RIT2: variants seen among roughly 807,000 people sequenced by gnomAD.
The protein encoded by RIT2 is Ras like without CAAX 2, also known as GTP-binding protein Rit2.
Under a neutral mutation model 23.7 loss-of-function variants are expected in RIT2, and 24 were observed. The observed-to-expected ratio is 1.01, with a 90% CI of 0.73 to 1.43. The LOEUF is 1.43. Ranked by LOEUF, RIT2 falls within the 40% of genes most tolerant of loss-of-function variation. The probability of loss-of-function intolerance (pLI) is 0.00; values close to 1 mark genes in which losing one functional copy is unlikely to be tolerated. For missense variants in RIT2, 236 were observed against 266.9 expected, an observed-to-expected ratio of 0.88 and a Z score of 0.81; for synonymous variants, 107 against 91.1, an observed-to-expected ratio of 1.17 and a Z score of -0.99.
At chr18:42,971,685 G>A (rs1246802534) in intron 3 of RIT2, among the ~76,000 whole-genome samples, 1 of 151,984 alleles carries the variant, frequency 6.6e-6, no homozygotes, top group African/African-American at 2.4e-5. Context: ...TTCCATGTGT[G>A]GGTAGACTGG....
chr18:42,812,285 A>G (rs1392247747), intron 4 of RIT2, among the ~76,000 whole-genome samples: 3 of 152,162 alleles, frequency 2.0e-5, no homozygotes, highest in Non-Finnish European at 4.4e-5. Flanking sequence ...TGAACATCAC[A>G]GTAGTCCAGA....
intron 2 of RIT2, among the ~76,000 whole-genome samples, chr18:43,006,007 C>A (rs76074693): frequency 0.037 from 5,574 of 151,566 alleles, 150 homozygotes; most frequent in Middle Eastern, 0.13. Flanking sequence ...TAATTAAAGT[C>A]TTTTTCATAA....
chr18:42,993,802 G>A lies in RIT2; in HGVS notation c.161-19655C>T, dbSNP rs549984230. 6.6e-5 allele frequency among the ~76,000 whole-genome samples: 10 copies of A among 151,970 alleles called. No individual in the cohort carries two copies. In the South Asian group the frequency reaches 8.3e-4, roughly 13 times the overall value. The stretch of plus-strand genomic sequence containing the variant: ...AAGATACCTCTGCTCCCTCCTTGGC[G>A]ATCGATCATGCACCCCTTACCATTT... On this transcript the variant is annotated intron_variant, in intron 2 of 4. Transcript: ENST00000326695.
chr18:42,898,389 C>T (rs531659414), intron 4 of RIT2, among the ~76,000 whole-genome samples: 1 of 151,998 alleles, frequency 6.6e-6, no homozygotes, highest in Non-Finnish European at 1.5e-5. Context: ...GTGAGACTGT[C>T]CCAAAACAAA....
chr18:42,790,490 C>T (rs940834255), intron 4 of RIT2, among the ~76,000 whole-genome samples: 3 of 152,246 alleles, frequency 2.0e-5, no homozygotes, highest in Middle Eastern at 3.4e-3. Flanking sequence ...TCGCCTAGGC[C>T]GGAATGCAGT....
chr18:42,763,807 G>A (rs1913359850), intron 4 of RIT2, among the ~76,000 whole-genome samples: 1 of 151,918 alleles, frequency 6.6e-6, no homozygotes, highest in Admixed American at 6.6e-5. Flanking sequence ...TCTATTTTAA[G>A]TTTTTTCTAT....
At chr18:42,805,206 A>G (rs1473558699) in intron 4 of RIT2, among the ~76,000 whole-genome samples, 1 of 152,216 alleles carries the variant, frequency 6.6e-6, no homozygotes, top group Non-Finnish European at 1.5e-5. Context: ...AGTTAACATA[A>G]ATAACTTTTT....
intron 2 of RIT2, among the ~76,000 whole-genome samples, chr18:42,985,065 T>A (rs1910680150): frequency 6.6e-6 from 1 of 152,080 alleles, no homozygotes; most frequent in Admixed American, 6.5e-5. Context: ...ATTAAATAAA[T>A]GATTTTGTTG....
chr18:43,051,521 G>A (rs1056055966), intron 1 of RIT2, among the ~76,000 whole-genome samples: 23 of 152,088 alleles, frequency 1.5e-4, no homozygotes, highest in African/African-American at 4.1e-4. Context: ...TTAGGTGCCT[G>A]TGGGCTTATA....
At chr18:42,845,239 T>C (rs1906875220) in intron 4 of RIT2, among the ~76,000 whole-genome samples, 1 of 151,902 alleles carries the variant, frequency 6.6e-6, no homozygotes, top group African/African-American at 2.4e-5. Flanking sequence ...GGAAACTCAA[T>C]GGGGTAGTAA....
chr18:42,840,630 T>C (rs1906739185), intron 4 of RIT2, among the ~76,000 whole-genome samples: 1 of 152,124 alleles, frequency 6.6e-6, no homozygotes, highest in Non-Finnish European at 1.5e-5. Context: ...GCCTCCCGAG[T>C]AGCTGGGATT....
intron 3 of RIT2, among the ~76,000 whole-genome samples, chr18:42,962,524 G>A (rs1910116475): frequency 6.6e-6 from 1 of 152,182 alleles, no homozygotes; most frequent in African/African-American, 2.4e-5. Flanking sequence ...ATAACTGCCA[G>A]AACCACTAAC....
At chr18:43,002,206 T>C (rs144971937) in intron 2 of RIT2, among the ~76,000 whole-genome samples, 1 of 152,072 alleles carries the variant, frequency 6.6e-6, no homozygotes, top group African/African-American at 2.4e-5. Flanking sequence ...GAGTTCAATG[T>C]TTGAGGGCAG....
At chr18:43,006,297 GAAGAAGA>G (rs1029655870) in intron 2 of RIT2, among the ~76,000 whole-genome samples, 3 of 151,376 alleles carry the variant, frequency 2.0e-5, no homozygotes, top group African/African-American at 7.3e-5. Flanking sequence ...TAAGTAAGTA[GAAGAAGA>G]AAGAAGGAAG....
intron 1 of RIT2, among the ~76,000 whole-genome samples, chr18:43,080,536 C>A (rs541092669): frequency 2.6e-5 from 4 of 152,192 alleles, no homozygotes; most frequent in African/African-American, 9.6e-5. Context: ...TACCTCACAC[C>A]TCTGCTTCTC....
intron 4 of RIT2, among the ~76,000 whole-genome samples, chr18:42,890,782 A>G (rs1474705733): frequency 6.6e-6 from 1 of 152,078 alleles, no homozygotes; most frequent in Admixed American, 6.6e-5. Flanking sequence ...AATTATAAAC[A>G]CTGAAATAAA....
chr18:42,904,768 A>G (rs1430791446), intron 4 of RIT2, among the ~76,000 whole-genome samples: 1 of 152,192 alleles, frequency 6.6e-6, no homozygotes, highest in Non-Finnish European at 1.5e-5. Context: ...CATACACAAA[A>G]GGCAGATAAT....
chr18:43,090,413 G>C (rs765925529), intron 1 of RIT2, among the ~76,000 whole-genome samples: 5 of 151,934 alleles, frequency 3.3e-5, no homozygotes. Flanking sequence ...ACACTTATAC[G>C]CTGTTGATGG....
chr18:42,834,538 C>T (rs1017236651), intron 4 of RIT2, among the ~76,000 whole-genome samples: 3 of 152,034 alleles, frequency 2.0e-5, no homozygotes, highest in Non-Finnish European at 4.4e-5. Flanking sequence ...TACTCTCTGT[C>T]TCTCTCTAAA....
Sources: gnomAD v4.1 joint callset for allele counts (sites outside exome capture counted in the v4.1 genomes callset) on GRCh38, gnomAD v4.1.1 for gene constraint, MANE v1.5 for transcripts, NCBI Gene and HGNC (gene_info 2026-07-23, HGNC 2026-07-21) for gene names.